TERB2: variants seen among roughly 807,000 people sequenced by gnomAD.
TERB2 encodes the protein telomere repeat binding bouquet formation protein 2.
TERB2 carries 26 observed loss-of-function variants against 29.8 expected under a neutral mutation model. That is an observed-to-expected ratio of 0.87 (90% CI 0.64 to 1.21). The LOEUF (loss-of-function observed/expected upper bound fraction) is 1.21. Ranked by LOEUF, TERB2 falls within the 50% of genes most tolerant of loss-of-function variation. The pLI is 0.00. For synonymous variants in TERB2, 80 were observed against 90.8 expected (o/e 0.88, Z 0.68); for missense variants, 240 against 268.6 (o/e 0.89, Z 0.74).
chr15:44,960,729 C>A (rs1256629699), intron 3 of TERB2, among the ~76,000 whole-genome samples: 1 of 152,088 alleles, frequency 6.6e-6, no homozygotes, highest in Non-Finnish European at 1.5e-5. Context: ...TGCTCAGTAC[C>A]TACATGTAGC....
Position 44,978,718 on chromosome 15 carries a change from G to A in TERB2, c.*90G>A, listed in dbSNP as rs1892081757. On this transcript the variant is annotated 3_prime_UTR_variant, in exon 7 of 7. Coordinates refer to ENST00000340827, the MANE Select transcript of TERB2 (RefSeq NM_152448.3). The stretch of plus-strand genomic sequence containing the variant: ...TAAAATGCTCCCTTTTGGTACTGGG[G>A]GATAGTGAAATGGGAAATAATTTTT... 7.6e-7 allele frequency: 1 copy of A among 1,321,944 alleles called. No homozygotes were observed. Among genetic ancestry groups the A allele is most frequent in the Admixed American group, 3.0e-5 (1 of 33,786 alleles). The allele number at this position is 1,321,944 out of a possible 1,614,324, so 81.9% of individuals were successfully genotyped here. A position where few individuals can be genotyped will look rare whatever the true frequency, so the allele number is the denominator to read the frequency against.
chr15:44,966,676 A>T (rs1891894609), intron 5 of TERB2, among the ~76,000 whole-genome samples: 1 of 152,224 alleles, frequency 6.6e-6, no homozygotes, highest in Non-Finnish European at 1.5e-5. Context: ...ATGAACTACA[A>T]AAGAATCTTA....
intron 2 of TERB2, 53 bp downstream of exon 2, chr15:44,957,030 G>A: frequency 1.3e-6 from 2 of 1,549,622 alleles, no homozygotes; most frequent in African/African-American, 2.7e-5. Flanking sequence ...CCGGGAGTTA[G>A]GGATGGAAGT....
intron 6 of TERB2, among the ~76,000 whole-genome samples, chr15:44,976,590 G>A (rs1468857916): frequency 6.6e-6 from 1 of 152,150 alleles, no homozygotes; most frequent in Non-Finnish European, 1.5e-5. Context: ...TATGCCATTG[G>A]TTATACAGAT....
chr15:44,956,826 C>A, intron 1 of TERB2, 44 bp downstream of exon 1: 3 of 1,608,872 alleles, frequency 1.9e-6, no homozygotes, highest in Non-Finnish European at 2.6e-6. Context: ...GTGAGGGGAG[C>A]ATCCTCCTCT....
chr15:44,971,464 A>G (rs974227255), intron 5 of TERB2, among the ~76,000 whole-genome samples: 3 of 152,176 alleles, frequency 2.0e-5, no homozygotes, highest in Admixed American at 1.3e-4. Context: ...GTTAATAATG[A>G]AAGTATTCCA....
chr15:44,957,323 T>A (rs904102506), intron 2 of TERB2, among the ~76,000 whole-genome samples: 12 of 152,102 alleles, frequency 7.9e-5, no homozygotes, highest in African/African-American at 2.4e-4. Flanking sequence ...GTCCTAGATT[T>A]GAGGGAAAGA....
chr15:44,958,928 C>T (rs1016683200), intron 3 of TERB2, among the ~76,000 whole-genome samples: 4 of 152,126 alleles, frequency 2.6e-5, no homozygotes, highest in African/African-American at 9.7e-5. Context: ...CCTGTAATCC[C>T]AGCACTTTGG....
intron 2 of TERB2, among the ~76,000 whole-genome samples, chr15:44,957,564 C>T (rs1358774955): frequency 1.3e-5 from 2 of 152,194 alleles, no homozygotes; most frequent in Admixed American, 6.5e-5. Context: ...AACAACCCTA[C>T]GCCATGAATC....
At chr15:44,970,842 T>A (rs1427075854) in intron 5 of TERB2, 1 of 154,836 alleles carries the variant, frequency 6.5e-6, no homozygotes, top group Non-Finnish European at 1.4e-5. Context: ...GAGTTGTGTT[T>A]ACTCATTTTA....
chr15:44,963,887 T>G (rs1203595712), intron 4 of TERB2, among the ~76,000 whole-genome samples: 1 of 146,504 alleles, frequency 6.8e-6, no homozygotes, highest in Non-Finnish European at 1.5e-5. Flanking sequence ...TCAAGCTTAC[T>G]GCGACCACCA....
intron 4 of TERB2, among the ~76,000 whole-genome samples, chr15:44,965,180 AAAAAAAAAGAAAAGG>A (rs1270890663): frequency 4.4e-4 from 64 of 145,848 alleles, no homozygotes; most frequent in African/African-American, 1.6e-3. Flanking sequence ...AAAAAAAAAA[AAAAAAAAAGAAAAGG>A]AAAAAAAAGA....
chr15:44,961,998 C>A (rs1891812143), intron 4 of TERB2, among the ~76,000 whole-genome samples: 1 of 152,006 alleles, frequency 6.6e-6, no homozygotes, highest in Non-Finnish European at 1.5e-5. Context: ...CTGTGCCCAG[C>A]ACAGATTAAG....
chr15:44,975,830 A>G (rs1892038867), intron 6 of TERB2, among the ~76,000 whole-genome samples: 3 of 152,238 alleles, frequency 2.0e-5, no homozygotes, highest in Admixed American at 6.5e-5. Flanking sequence ...TCTCAGACTA[A>G]TATCACTTAT....
chr15:44,962,188 T>TG (rs990629769), intron 4 of TERB2, among the ~76,000 whole-genome samples: 3 of 151,422 alleles, frequency 2.0e-5, no homozygotes, highest in African/African-American at 7.3e-5. Flanking sequence ...CAGTTCTTTT[T>TG]TTTTTTTTTT....
At chr15:44,966,633 G>C (rs542349335) in intron 5 of TERB2, among the ~76,000 whole-genome samples, 1 of 151,970 alleles carries the variant, frequency 6.6e-6, no homozygotes, top group African/African-American at 2.4e-5. Flanking sequence ...AAAATTATAC[G>C]TATCTGTGTG....
At chr15:44,972,888 T>C (rs1300073360) in intron 5 of TERB2, among the ~76,000 whole-genome samples, 1 of 100,890 alleles carries the variant, frequency 9.9e-6, no homozygotes, top group African/African-American at 4.2e-5. Context: ...ACATCAATTG[T>C]TTTTTTTTTT....
At chr15:44,962,663 T>A (rs1891824756) in intron 4 of TERB2, among the ~76,000 whole-genome samples, 1 of 152,134 alleles carries the variant, frequency 6.6e-6, no homozygotes, top group Admixed American at 6.6e-5. Flanking sequence ...AAGTGTACAA[T>A]ACTGGAAAAA....
intron 4 of TERB2, among the ~76,000 whole-genome samples, chr15:44,961,930 C>G (rs1307663206): frequency 6.6e-6 from 1 of 151,996 alleles, no homozygotes; most frequent in Admixed American, 6.6e-5. Context: ...GAACTCTGGC[C>G]CTCAAGTGAT....
Sources: gnomAD v4.1 joint callset for allele counts (sites outside exome capture counted in the v4.1 genomes callset) on GRCh38, gnomAD v4.1.1 for gene constraint, MANE v1.5 for transcripts, NCBI Gene and HGNC (gene_info 2026-07-23, HGNC 2026-07-21) for gene names.